JAKMIP2: variants seen among roughly 807,000 people sequenced by gnomAD.
JAKMIP2 encodes the protein janus kinase and microtubule interacting protein 2, also known as janus kinase and microtubule-interacting protein 2.
A neutral mutation model predicts 115.0 loss-of-function variants in JAKMIP2; 25 were observed. That is an observed-to-expected ratio of 0.22 (90% CI 0.16 to 0.30). The LOEUF (loss-of-function observed/expected upper bound fraction) is 0.30, where lower values mean the gene tolerates loss of function less well. Ranked by LOEUF, JAKMIP2 falls within the 10% of genes least tolerant of loss-of-function variation. The pLI is 1.00. For synonymous variants in JAKMIP2, 334 were observed against 343.6 expected, an observed-to-expected ratio of 0.97 and a Z score of 0.31; for missense variants, 642 against 957.6, an observed-to-expected ratio of 0.67 and a Z score of 4.35.
chr5:147,599,310 G>T (rs141170468), intron 21 of JAKMIP2, among the ~76,000 whole-genome samples: 1 of 152,190 alleles, frequency 6.6e-6, no homozygotes, highest in African/African-American at 2.4e-5. Context: ...TGTGGAATAG[G>T]AAACCTAATC....
intron 1 of JAKMIP2, among the ~76,000 whole-genome samples, chr5:147,712,196 C>A (rs779808221): frequency 6.6e-6 from 1 of 152,136 alleles, no homozygotes; most frequent in African/African-American, 2.4e-5. Flanking sequence ...TGTCTACAAC[C>A]CACAATCACT....
intron 1 of JAKMIP2, among the ~76,000 whole-genome samples, chr5:147,678,900 A>T (rs1024142619): frequency 6.6e-6 from 1 of 152,152 alleles, no homozygotes; most frequent in Non-Finnish European, 1.5e-5. Flanking sequence ...TCCTGGTTGT[A>T]TACTCTGTGC....
At chr5:147,652,305 T>C (rs6883287) in intron 3 of JAKMIP2, among the ~76,000 whole-genome samples, 38,390 of 152,076 alleles carry the variant, frequency 0.25, 6,127 homozygotes, top group East Asian at 0.46. Context: ...TACTATGCTA[T>C]ACTGGCTTTA....
At chr5:147,594,325 AT>A in intron 21 of JAKMIP2, 1 of 351,200 alleles carries the variant, frequency 2.8e-6, no homozygotes, top group Non-Finnish European at 6.1e-6. Context: ...ACTTTACTGC[AT>A]GCTACAAATT....
intron 1 of JAKMIP2, among the ~76,000 whole-genome samples, chr5:147,727,956 G>A (rs1192463034): frequency 1.3e-5 from 2 of 152,136 alleles, no homozygotes; most frequent in East Asian, 3.9e-4. Flanking sequence ...CAGAAGAGGG[G>A]CCACAGACTG....
chr5:147,609,725 C>A (rs1756213980), intron 20 of JAKMIP2, among the ~76,000 whole-genome samples: 1 of 152,100 alleles, frequency 6.6e-6, no homozygotes, highest in Admixed American at 6.6e-5. Flanking sequence ...GTTGGCCTGT[C>A]TTGCTAGATT....
At chr5:147,637,277 C>T (rs1463753334) in intron 10 of JAKMIP2, among the ~76,000 whole-genome samples, 1 of 151,952 alleles carries the variant, frequency 6.6e-6, no homozygotes, top group Non-Finnish European at 1.5e-5. Context: ...ATTATATTTC[C>T]AATCTTTTCC....
chr5:147,591,647 C>A lies in JAKMIP2; in HGVS notation c.*60G>T, dbSNP rs1324731417. 1.9e-6 allele frequency: 3 copies of A among 1,592,750 alleles called. No individual in the cohort carries two copies. The highest frequency in any genetic ancestry group is 1.7e-5 in the Admixed American group (1 of 58,648). On this transcript the variant is annotated 3_prime_UTR_variant, in exon 22 of 22. Coordinates refer to ENST00000616793, the MANE Select transcript of JAKMIP2 (RefSeq NM_001270941.2). The stretch of plus-strand genomic sequence containing the variant: ...TTTGCCATCTTTGAAGGTTTAGAAG[C>A]ACTTGTCTTCCTGGGATCTTATCCA...
chr5:147,709,513 C>T (rs578109811), intron 1 of JAKMIP2, among the ~76,000 whole-genome samples: 9 of 152,118 alleles, frequency 5.9e-5, no homozygotes, highest in South Asian at 2.1e-4. Context: ...TTTTGTATAT[C>T]GATGACTTAC....
At chr5:147,762,858 G>A (rs1179798610) in intron 1 of JAKMIP2, among the ~76,000 whole-genome samples, 1 of 152,024 alleles carries the variant, frequency 6.6e-6, no homozygotes, top group Non-Finnish European at 1.5e-5. Flanking sequence ...ACAGTGTGAT[G>A]TGATTGCTAG....
rs574301631 is a variant in JAKMIP2 at position 147,658,390 on chromosome 5, A to G, written c.627+2558T>C. 3.9e-5 allele frequency among the ~76,000 whole-genome samples: 6 copies of G among 152,242 alleles called. No homozygotes were observed. In the East Asian group the frequency reaches 7.7e-4, roughly 20 times the overall value. On this transcript the variant is annotated intron_variant, in intron 3 of 21. Transcript: ENST00000616793. The stretch of plus-strand genomic sequence containing the variant: ...GCCTGCTCTTTCCTCTGGAAGCTTC[A>G]TCTTAGAGGGGCACTGGCCTGATGC...
chr5:147,742,155 A>ATATATATATATATATATATATATATATT, intron 1 of JAKMIP2, among the ~76,000 whole-genome samples: 3 of 108,908 alleles, frequency 2.8e-5, no homozygotes, highest in East Asian at 3.3e-4. Flanking sequence ...ATATATATAT[A>ATATATATATATATATATATATATATATT]TTTTTTTTAC....
intron 1 of JAKMIP2, among the ~76,000 whole-genome samples, chr5:147,702,678 GAGAA>G (rs1395098156): frequency 1.5e-5 from 2 of 137,028 alleles, no homozygotes; most frequent in African/African-American, 2.9e-5. Flanking sequence ...GAGAAAGAAA[GAGAA>G]AGAAAGAAAA....
At chr5:147,621,261 G>A (rs1022819061) in intron 17 of JAKMIP2, among the ~76,000 whole-genome samples, 6 of 152,194 alleles carry the variant, frequency 3.9e-5, no homozygotes, top group Non-Finnish European at 7.3e-5. Flanking sequence ...AAGCCAGTGT[G>A]AGCTGGGAAA....
chr5:147,703,998 G>T (rs1752474180), intron 1 of JAKMIP2, among the ~76,000 whole-genome samples: 1 of 152,064 alleles, frequency 6.6e-6, no homozygotes, highest in African/African-American at 2.4e-5. Context: ...CAGGGGTCAG[G>T]ATCACTAGTA....
intron 21 of JAKMIP2, among the ~76,000 whole-genome samples, chr5:147,596,484 T>C (rs967775489): frequency 6.6e-6 from 1 of 152,186 alleles, no homozygotes; most frequent in Middle Eastern, 3.2e-3. Flanking sequence ...AAAAAACAAA[T>C]TGAATATGAG....
At chr5:147,734,465 A>T (rs1753844110) in intron 1 of JAKMIP2, among the ~76,000 whole-genome samples, 1 of 136,732 alleles carries the variant, frequency 7.3e-6, no homozygotes, top group Non-Finnish European at 1.6e-5. Flanking sequence ...GAACATATGG[A>T]CAGAGGGGGG....
rs927653218 is a variant in JAKMIP2, at chr5:147,662,700, G to A, written c.130-1255C>T. On this transcript the variant is annotated intron_variant, in intron 2 of 21. Transcript: ENST00000616793. ...ACATACACAGAGTAACCTAGAAAAA[G>A]GGGGCCGGGTGCAGTGCCTCATGTC... Among the ~76,000 whole-genome samples the A allele has an allele frequency of 3.4e-4, 52 of 152,136 alleles. 1 individual carries two copies. Among genetic ancestry groups the A allele is most frequent in the African/African-American group, 1.0e-3 (42 of 41,524 alleles).
At chr5:147,658,081 A>C (rs1018341065) in intron 3 of JAKMIP2, among the ~76,000 whole-genome samples, 1 of 151,934 alleles carries the variant, frequency 6.6e-6, no homozygotes, top group Non-Finnish European at 1.5e-5. Flanking sequence ...GGAGGAGAAG[A>C]GGCATTCTGG....
Sources: allele counts gnomAD v4.1 joint callset (sites outside exome capture counted in the v4.1 genomes callset), GRCh38; gene constraint gnomAD v4.1.1; transcripts MANE v1.5; gene names NCBI Gene and HGNC (gene_info 2026-07-23, HGNC 2026-07-21).